Variants in ENTREP1 observed in about 807,000 individuals in gnomAD.
ENTREP1 encodes endosomal transmembrane epsin interactor 1, also known as Friedreich ataxia region gene X123.
At chr9:69,367,730 AATATATATATACACATATATAAAT>A in the ENTREP1 span, among the ~76,000 whole-genome samples, 1 of 52,002 alleles carries the variant, frequency 1.9e-5, no homozygotes, top group African/African-American at 4.8e-5. Context: ...TATATATAAA[AATATATATATACACATATATAAAT>A]ATATATATAC....
At chr9:69,364,879 T>C in the ENTREP1 span, among the ~76,000 whole-genome samples, 1 of 152,178 alleles carries the variant, frequency 6.6e-6, no homozygotes, top group African/African-American at 2.4e-5. Flanking sequence ...TTCTGGGTTT[T>C]GCAGGAGTGG....
the ENTREP1 span, among the ~76,000 whole-genome samples, chr9:69,349,172 G>A: frequency 1.3e-4 from 9 of 69,002 alleles, no homozygotes; most frequent in East Asian, 5.0e-4. Context: ...CGACAAAAGC[G>A]AAACTCCATC....
the ENTREP1 span, among the ~76,000 whole-genome samples, chr9:69,384,666 C>G: frequency 6.6e-6 from 1 of 152,196 alleles, no homozygotes; most frequent in Non-Finnish European, 1.5e-5. Flanking sequence ...TTTAAGGGAA[C>G]ATTGTTATGG....
the ENTREP1 span, among the ~76,000 whole-genome samples, chr9:69,333,504 C>T: frequency 6.6e-6 from 1 of 151,972 alleles, no homozygotes; most frequent in Non-Finnish European, 1.5e-5. Flanking sequence ...AGGGTCTCAC[C>T]GTGTTGGCCA....
chr9:69,324,788 A>G, the ENTREP1 span: 1 of 984,950 alleles, frequency 1.0e-6, no homozygotes, highest in African/African-American at 1.8e-5. Context: ...CCTTCTCACT[A>G]AAGCGCGCCA....
At chr9:69,391,643 C>T in the ENTREP1 span, 1 of 1,614,190 alleles carries the variant, frequency 6.2e-7, no homozygotes, top group Non-Finnish European at 8.5e-7. Flanking sequence ...GGCCCACAAG[C>T]TGCCCTCGCG....
chr9:69,337,006 T>A, the ENTREP1 span, among the ~76,000 whole-genome samples: 1 of 4,730 alleles, frequency 2.1e-4, no homozygotes, highest in South Asian at 0.013. Context: ...CTGTTATTCC[T>A]TTTTTTTTTT....
chr9:69,371,385 T>G, the ENTREP1 span: 1 of 865,042 alleles, frequency 1.2e-6, no homozygotes, highest in Non-Finnish European at 2.0e-6. Flanking sequence ...GGTTCTGATC[T>G]TTTTTTAAAA....
At chr9:69,346,975 A>T in the ENTREP1 span, among the ~76,000 whole-genome samples, 2 of 152,214 alleles carry the variant, frequency 1.3e-5, no homozygotes, top group Non-Finnish European at 2.9e-5. Context: ...AATATGATAG[A>T]TTCTTTGGTG....
chr9:69,338,724 G>A, the ENTREP1 span, among the ~76,000 whole-genome samples: 1 of 152,072 alleles, frequency 6.6e-6, no homozygotes, highest in Non-Finnish European at 1.5e-5. Flanking sequence ...CTATTATCAG[G>A]TTTCCATGTA....
chr9:69,358,623 G>A, the ENTREP1 span, among the ~76,000 whole-genome samples: 2 of 152,158 alleles, frequency 1.3e-5, no homozygotes, highest in Non-Finnish European at 2.9e-5. Context: ...AACAGAGTGT[G>A]AAAGAGAAGA....
At chr9:69,336,198 A>G in the ENTREP1 span, 1 of 1,443,342 alleles carries the variant, frequency 6.9e-7, no homozygotes, top group African/African-American at 1.4e-5. Flanking sequence ...TATTTATGAT[A>G]GTTTATCCTT....
the ENTREP1 span, among the ~76,000 whole-genome samples, chr9:69,346,000 G>A: frequency 6.8e-6 from 1 of 146,408 alleles, no homozygotes; most frequent in South Asian, 2.2e-4. Flanking sequence ...TTTTTTTTTT[G>A]AGATGGAGTC....
the ENTREP1 span, chr9:69,324,586 C>G: frequency 8.1e-6 from 8 of 985,124 alleles, no homozygotes; most frequent in Admixed American, 1.8e-4. Context: ...CTTTCATTCC[C>G]GCTCCTACCG....
chr9:69,368,380 G>A, the ENTREP1 span, among the ~76,000 whole-genome samples: 1 of 151,986 alleles, frequency 6.6e-6, no homozygotes, highest in Non-Finnish European at 1.5e-5. Flanking sequence ...TCTATGCCTA[G>A]TCTGTTGAAG....
chr9:69,352,009 A>G, the ENTREP1 span, among the ~76,000 whole-genome samples: 1 of 152,168 alleles, frequency 6.6e-6, no homozygotes, highest in Non-Finnish European at 1.5e-5. Context: ...TTGAAGATAC[A>G]TATTACATAT....
At chr9:69,377,932 T>A in the ENTREP1 span, among the ~76,000 whole-genome samples, 1 of 152,206 alleles carries the variant, frequency 6.6e-6, no homozygotes, top group Non-Finnish European at 1.5e-5. Flanking sequence ...GGTATGGCTT[T>A]TAGAGAGTCC....
At chr9:69,331,084 T>TAC in the ENTREP1 span, among the ~76,000 whole-genome samples, 1 of 152,054 alleles carries the variant, frequency 6.6e-6, no homozygotes, top group South Asian at 2.1e-4. Context: ...AGGGAAGAAA[T>TAC]ACACACACAT....
chr9:69,327,101 C>T, the ENTREP1 span, among the ~76,000 whole-genome samples: 1 of 152,048 alleles, frequency 6.6e-6, no homozygotes, highest in Non-Finnish European at 1.5e-5. Flanking sequence ...TTGAGACTCG[C>T]CTGAAATTGT....
Sources: allele counts gnomAD v4.1 joint callset (sites outside exome capture counted in the v4.1 genomes callset), GRCh38; gene constraint gnomAD v4.1.1; transcripts MANE v1.5; gene names NCBI Gene and HGNC (gene_info 2026-07-23, HGNC 2026-07-21).